PUS7: variants seen among roughly 807,000 people sequenced by gnomAD.
PUS7 encodes pseudouridylate synthase 7 homolog.
PUS7 carries 48 observed loss-of-function variants against 79.8 expected under a neutral mutation model. The ratio of observed to expected loss-of-function variants is 0.60; its 90% CI spans 0.48 to 0.76. The LOEUF is 0.76. Ranked by LOEUF, PUS7 falls within the 30% of genes least tolerant of loss-of-function variation. The pLI, the probability that PUS7 is intolerant of heterozygous loss-of-function variation, is 0.00. For synonymous variants in PUS7, 286 were observed against 272.2 expected (o/e 1.05, Z -0.50); for missense variants, 729 against 797.6 (o/e 0.91, Z 1.04).
chr7:105,500,189 G>A (rs923813265), intron 5 of PUS7, among the ~76,000 whole-genome samples: 2 of 152,158 alleles, frequency 1.3e-5, no homozygotes. Flanking sequence ...TCTTTTTAAA[G>A]TGAGAAATTC....
chr7:105,461,269 A>T lies in PUS7; in HGVS notation c.1757+1352T>A, dbSNP rs187950600. ...CAGAGATAGCTCTGTAAGCAAATCT[A>T]AGTTTTTAGAAATAGGAAAAAAGTT... is the stretch of plus-strand genomic sequence containing the variant. On this transcript the variant is annotated intron_variant, in intron 14 of 15. Transcript: ENST00000469408. Among the ~76,000 whole-genome samples, 5 of 152,376 alleles carry T rather than the reference A, an allele frequency of 3.3e-5. No homozygotes were observed. In the East Asian group the frequency reaches 7.7e-4, roughly 23 times the overall value.
intron 4 of PUS7, 97 bp downstream of exon 4, chr7:105,505,858 T>C (rs947896570): frequency 2.0e-6 from 2 of 1,004,058 alleles, no homozygotes; most frequent in Non-Finnish European, 3.0e-6. Flanking sequence ...AAGTCACCCT[T>C]TGTTAACCAT....
Position 105,508,548 on chromosome 7 carries a change from T to C in PUS7, c.-32-4A>G, listed in dbSNP as rs1350465176. The C allele has an allele frequency of 1.9e-6, 3 of 1,587,332 alleles. No individual in the cohort carries two copies. Among genetic ancestry groups the C allele is most frequent in the African/African-American group, 1.4e-5 (1 of 73,798 alleles). On this transcript the variant is annotated splice_region_variant and splice_polypyrimidine_tract_variant and intron_variant, in intron 1 of 15. Transcript: ENST00000469408. ...CCAAGAAAACATTTAAGAAAACCTGTTAGGAAAGAGTAGAAAGTAACAATC... is the reference window on the plus strand; with the variant it reads ...CCAAGAAAACATTTAAGAAAACCTGCTAGGAAAGAGTAGAAAGTAACAATC...
At chr7:105,520,981 C>T (rs1826085811) in intron 1 of PUS7, among the ~76,000 whole-genome samples, 1 of 151,910 alleles carries the variant, frequency 6.6e-6, no homozygotes, top group Admixed American at 6.6e-5. Context: ...GCACTCCAGC[C>T]TGGGCAACAA....
At chr7:105,511,330 G>A (rs1366413043) in intron 1 of PUS7, among the ~76,000 whole-genome samples, 1 of 151,362 alleles carries the variant, frequency 6.6e-6, no homozygotes, top group Admixed American at 6.6e-5. Context: ...ACCGCACCTG[G>A]CCCCATTCCC....
At chr7:105,470,936 T>C (rs1017322767) in intron 10 of PUS7, 88 bp from the exon 11 acceptor site, 3 of 1,356,362 alleles carry the variant, frequency 2.2e-6, no homozygotes. Context: ...AACACAAAAT[T>C]AGAAAATGCT....
chr7:105,482,021 C>T (rs757033188), intron 8 of PUS7, among the ~76,000 whole-genome samples: 5 of 152,322 alleles, frequency 3.3e-5, no homozygotes, highest in East Asian at 1.9e-4. Context: ...TGAGCCACTG[C>T]GCCCAGCCGG....
chr7:105,474,432 G>GACT (rs1324289995), intron 9 of PUS7, among the ~76,000 whole-genome samples: 5 of 151,974 alleles, frequency 3.3e-5, no homozygotes, highest in African/African-American at 1.2e-4. Flanking sequence ...TGGTACTAGG[G>GACT]ACTGATCTGA....
At chr7:105,479,303 A>G (rs972087358) in intron 9 of PUS7, among the ~76,000 whole-genome samples, 5 of 152,126 alleles carry the variant, frequency 3.3e-5, no homozygotes, top group African/African-American at 9.7e-5. Context: ...TTAAAATCAC[A>G]AAAATGAATG....
chr7:105,486,432 C>A (rs1824552974), intron 7 of PUS7, among the ~76,000 whole-genome samples: 1 of 152,164 alleles, frequency 6.6e-6, no homozygotes, highest in African/African-American at 2.4e-5. Flanking sequence ...TGCTCTGCCA[C>A]CCAGGTTGGA....
chr7:105,520,762 G>C (rs1826078507), intron 1 of PUS7, among the ~76,000 whole-genome samples: 1 of 151,964 alleles, frequency 6.6e-6, no homozygotes. Flanking sequence ...TCAAGGCCGA[G>C]TGTGGTTGCT....
At chr7:105,485,308 C>T (rs752580265) in intron 7 of PUS7, among the ~76,000 whole-genome samples, 5 of 152,236 alleles carry the variant, frequency 3.3e-5, no homozygotes, top group Non-Finnish European at 7.3e-5. Flanking sequence ...TTCCCGGGTT[C>T]AACCGATTCT....
intron 1 of PUS7, among the ~76,000 whole-genome samples, chr7:105,514,344 C>A (rs1825812398): frequency 1.3e-5 from 2 of 152,024 alleles, no homozygotes; most frequent in South Asian, 4.2e-4. Flanking sequence ...GTGGCTCATG[C>A]CTGTAATCCC....
intron 1 of PUS7, among the ~76,000 whole-genome samples, chr7:105,517,269 G>A (rs1338115445): frequency 6.6e-6 from 1 of 152,002 alleles, no homozygotes; most frequent in African/African-American, 2.4e-5. Context: ...TGATCCTCCC[G>A]CCTCAGCCTC....
intron 14 of PUS7, among the ~76,000 whole-genome samples, chr7:105,460,700 A>G (rs999700705): frequency 6.6e-6 from 1 of 151,182 alleles, no homozygotes; most frequent in African/African-American, 2.4e-5. Flanking sequence ...TAAAAATACA[A>G]AAAATTAGCC....
chr7:105,521,200 T>C (rs568470137), intron 1 of PUS7, among the ~76,000 whole-genome samples: 6 of 151,978 alleles, frequency 3.9e-5, no homozygotes, highest in South Asian at 4.2e-4. Context: ...CAATGGGGCA[T>C]AGTCATTTCA....
chr7:105,519,057 C>T (rs1234962611), intron 1 of PUS7, among the ~76,000 whole-genome samples: 3 of 151,978 alleles, frequency 2.0e-5, no homozygotes, highest in African/African-American at 4.8e-5. Context: ...CCTGAGCCAC[C>T]GCGCCCAGCC....
chr7:105,497,439 TAA>T (rs1357289634), intron 5 of PUS7, among the ~76,000 whole-genome samples: 1 of 152,196 alleles, frequency 6.6e-6, no homozygotes, highest in African/African-American at 2.4e-5. Flanking sequence ...CATTGAATTA[TAA>T]AGACTTTTAA....
intron 9 of PUS7, among the ~76,000 whole-genome samples, chr7:105,477,028 T>A (rs74785862): frequency 0.03 from 4,627 of 152,306 alleles, 230 homozygotes; most frequent in African/African-American, 0.1. Context: ...CTGTGGGTTA[T>A]CTTTTCATTC....
Sources: gnomAD v4.1 joint callset for allele counts (sites outside exome capture counted in the v4.1 genomes callset) on GRCh38, gnomAD v4.1.1 for gene constraint, MANE v1.5 for transcripts, NCBI Gene and HGNC (gene_info 2026-07-23, HGNC 2026-07-21) for gene names.